The following PCDH9 variants were observed in gnomAD, a reference collection of about 807,000 sequenced individuals.
PCDH9 encodes protocadherin-9.
A neutral mutation model predicts 70.6 loss-of-function variants in PCDH9; 24 were observed. That is an observed-to-expected ratio of 0.34 (90% CI 0.25 to 0.48). The LOEUF is 0.48. Ranked by LOEUF, PCDH9 falls within the 20% of genes least tolerant of loss-of-function variation. PCDH9 has a pLI of 0.99. For synonymous variants in PCDH9, 562 were observed against 558.5 expected, an observed-to-expected ratio of 1.01 and a Z score of -0.09; for missense variants, 1,281 against 1,503.6, an observed-to-expected ratio of 0.85 and a Z score of 2.45.
chr13:67,153,013 A>G (rs1467810624), intron 2 of PCDH9, among the ~76,000 whole-genome samples: 11 of 151,860 alleles, frequency 7.2e-5, no homozygotes. Context: ...CATCACTCCC[A>G]CCTGGAAGTG....
chr13:66,542,203 G>A (rs888078589), intron 4 of PCDH9, among the ~76,000 whole-genome samples: 8 of 151,860 alleles, frequency 5.3e-5, no homozygotes, highest in African/African-American at 1.9e-4. Context: ...AATATCCAAC[G>A]GAATATTTCC....
intron 2 of PCDH9, among the ~76,000 whole-genome samples, chr13:66,906,129 T>C (rs2082356337): frequency 6.6e-6 from 1 of 152,166 alleles, no homozygotes; most frequent in Non-Finnish European, 1.5e-5. Context: ...TGAGTGAACA[T>C]GCCACCTGAA....
At chr13:67,029,722 GA>G (rs2084866097) in intron 2 of PCDH9, among the ~76,000 whole-genome samples, 1 of 152,072 alleles carries the variant, frequency 6.6e-6, no homozygotes, top group Admixed American at 6.6e-5. Flanking sequence ...ATTCTGACGA[GA>G]ACATTTAAAC....
intron 3 of PCDH9, among the ~76,000 whole-genome samples, chr13:66,877,683 T>C (rs1021663163): frequency 6.6e-6 from 1 of 152,180 alleles, no homozygotes; most frequent in African/African-American, 2.4e-5. Flanking sequence ...ACCAACACCT[T>C]AGTCAAGGAA....
At chr13:66,406,403 C>G (rs1461133258) in intron 4 of PCDH9, among the ~76,000 whole-genome samples, 1 of 152,170 alleles carries the variant, frequency 6.6e-6, no homozygotes, top group Non-Finnish European at 1.5e-5. Flanking sequence ...GTAAAAACTG[C>G]TCCTGTTACT....
At chr13:66,578,320 G>C (rs1045561606) in intron 4 of PCDH9, among the ~76,000 whole-genome samples, 1 of 152,058 alleles carries the variant, frequency 6.6e-6, no homozygotes, top group East Asian at 1.9e-4. Flanking sequence ...AGTGAGAACT[G>C]ACTTTTGAGT....
At chr13:66,335,222 C>A (rs938995470) in intron 4 of PCDH9, among the ~76,000 whole-genome samples, 3 of 152,086 alleles carry the variant, frequency 2.0e-5, no homozygotes, top group Non-Finnish European at 4.4e-5. Flanking sequence ...ACCCAATAAG[C>A]AAACTCAACC....
chr13:66,912,085 A>C (rs1414564024), intron 2 of PCDH9, among the ~76,000 whole-genome samples: 1 of 152,194 alleles, frequency 6.6e-6, no homozygotes, highest in Admixed American at 6.5e-5. Flanking sequence ...ACACAGATAA[A>C]AGTAGATTGA....
chr13:67,038,997 G>A (rs1163410431), intron 2 of PCDH9, among the ~76,000 whole-genome samples: 4 of 152,150 alleles, frequency 2.6e-5, no homozygotes, highest in African/African-American at 7.2e-5. Context: ...AGGGAGGAGA[G>A]GGGGTCAGGA....
chr13:67,195,176 C>T (rs1446292185), intron 2 of PCDH9, among the ~76,000 whole-genome samples: 1 of 150,570 alleles, frequency 6.6e-6, no homozygotes, highest in Non-Finnish European at 1.5e-5. Context: ...GACAGAGTCT[C>T]GCTCTTTCGC....
At chr13:66,676,187 T>C (rs1295531132) in intron 3 of PCDH9, among the ~76,000 whole-genome samples, 1 of 152,170 alleles carries the variant, frequency 6.6e-6, no homozygotes, top group East Asian at 1.9e-4. Context: ...TTTCATTTCA[T>C]GCTGGTTAGT....
chr13:67,198,830 T>C (rs905965117), intron 2 of PCDH9, among the ~76,000 whole-genome samples: 3 of 151,854 alleles, frequency 2.0e-5, no homozygotes, highest in Non-Finnish European at 4.4e-5. Flanking sequence ...TTAAGAAATA[T>C]TTAAATAGCA....
intron 3 of PCDH9, among the ~76,000 whole-genome samples, chr13:66,871,248 G>A (rs1445844383): frequency 6.6e-6 from 1 of 150,822 alleles, no homozygotes; most frequent in East Asian, 2.0e-4. Flanking sequence ...TGGGGTGGGG[G>A]GATGGGGGAG....
intron 2 of PCDH9, among the ~76,000 whole-genome samples, chr13:67,200,328 G>A (rs1365614064): frequency 6.6e-6 from 1 of 152,018 alleles, no homozygotes; most frequent in Non-Finnish European, 1.5e-5. Flanking sequence ...CTACACAGCA[G>A]TGTAGAGGTA....
intron 2 of PCDH9, among the ~76,000 whole-genome samples, chr13:66,991,473 CAAAAT>C: frequency 6.6e-6 from 1 of 151,574 alleles, no homozygotes; most frequent in African/African-American, 2.4e-5. Context: ...TGAGAGATCT[CAAAAT>C]AAAATTACTT....
intron 3 of PCDH9, among the ~76,000 whole-genome samples, chr13:66,855,804 T>C (rs1335776958): frequency 6.6e-6 from 1 of 151,994 alleles, no homozygotes; most frequent in Admixed American, 6.6e-5. Flanking sequence ...TGATAATTTG[T>C]TGGTATTTAT....
intron 3 of PCDH9, among the ~76,000 whole-genome samples, chr13:66,857,711 G>A (rs1026353939): frequency 3.3e-5 from 5 of 151,944 alleles, no homozygotes; most frequent in African/African-American, 9.7e-5. Context: ...CCGACTAAAT[G>A]AGTGATTTCA....
At chr13:66,532,192 C>T (rs1960492138) in intron 4 of PCDH9, among the ~76,000 whole-genome samples, 1 of 151,220 alleles carries the variant, frequency 6.6e-6, no homozygotes, top group African/African-American at 2.4e-5. Flanking sequence ...TTTGTAGAGA[C>T]AGGGTCTCAC....
chr13:66,969,674 T>G (rs1178469655), intron 2 of PCDH9, among the ~76,000 whole-genome samples: 1 of 152,040 alleles, frequency 6.6e-6, no homozygotes, highest in African/African-American at 2.4e-5. Context: ...ACCCAAAATC[T>G]CAGAAACGTT....
Sources: allele counts gnomAD v4.1 joint callset (sites outside exome capture counted in the v4.1 genomes callset), GRCh38; gene constraint gnomAD v4.1.1; transcripts MANE v1.5; gene names NCBI Gene and HGNC (gene_info 2026-07-23, HGNC 2026-07-21).